Variants in SLC25A51 observed in about 807,000 individuals in gnomAD.
SLC25A51 encodes the protein mitochondrial nicotinamide adenine dinucleotide transporter SLC25A51.
Under a neutral mutation model 19.1 loss-of-function variants are expected in SLC25A51, and 11 were observed. The observed-to-expected ratio is 0.58, with a 90% confidence interval of 0.36 to 0.96. The LOEUF (loss-of-function observed/expected upper bound fraction) is 0.96. SLC25A51 is among the 40% of genes least tolerant of loss of function. The probability of loss-of-function intolerance (pLI) is 0.01; values close to 1 mark genes in which losing one functional copy is unlikely to be tolerated. For missense variants in SLC25A51, 201 were observed against 365.4 expected (o/e 0.55, Z 3.67); for synonymous variants, 105 against 133.6 (o/e 0.79, Z 1.47).
intron 2 of SLC25A51, among the ~76,000 whole-genome samples, chr9:37,894,654 C>T (rs558995190): frequency 6.6e-6 from 1 of 152,056 alleles, no homozygotes; most frequent in African/African-American, 2.4e-5. Context: ...TTCTGAGGTA[C>T]GTGTGCAGGT....
intron 2 of SLC25A51, among the ~76,000 whole-genome samples, chr9:37,890,876 A>G (rs1293448893): frequency 1.3e-5 from 2 of 152,198 alleles, no homozygotes; most frequent in African/African-American, 4.8e-5. Flanking sequence ...AATAAAAACA[A>G]CAAAAAACCG....
downstream of SLC25A51, among the ~76,000 whole-genome samples, chr9:37,886,881 T>C (rs1272732492): frequency 6.6e-6 from 1 of 152,000 alleles, no homozygotes; most frequent in Non-Finnish European, 1.5e-5. Flanking sequence ...AGTATAAGCC[T>C]GGCTGGGCGC....
At chr9:37,893,066 T>C (rs1371002093) in intron 2 of SLC25A51, among the ~76,000 whole-genome samples, 1 of 151,568 alleles carries the variant, frequency 6.6e-6, no homozygotes, top group East Asian at 2.0e-4. Flanking sequence ...TTTGTAGAGA[T>C]GAGGTTTCAC....
chr9:37,885,840 T>C (rs1382679282), downstream of SLC25A51: 1 of 1,604,588 alleles, frequency 6.2e-7, no homozygotes, highest in Non-Finnish European at 8.5e-7. Flanking sequence ...GGGCCTACTT[T>C]ACATCACACT....
downstream of SLC25A51, chr9:37,879,001 G>T: frequency 3.8e-6 from 1 of 265,004 alleles, no homozygotes; most frequent in South Asian, 4.8e-5. Flanking sequence ...GTAGAGAGTA[G>T]AGTTGCTTTT....
At chr9:37,883,946 G>C (rs1358829842), downstream of SLC25A51, among the ~76,000 whole-genome samples, 3 of 152,222 alleles carry the variant, frequency 2.0e-5, no homozygotes, top group Non-Finnish European at 4.4e-5. Flanking sequence ...AAGAAGGATG[G>C]TCACTGTATT....
downstream of SLC25A51, among the ~76,000 whole-genome samples, chr9:37,883,559 C>T (rs1030347654): frequency 6.6e-6 from 1 of 152,184 alleles, no homozygotes; most frequent in African/African-American, 2.4e-5. Context: ...GGAAGCCCAA[C>T]AAAACCAAAG....
chr9:37,885,269 T>C (rs1340242544), downstream of SLC25A51, among the ~76,000 whole-genome samples: 2 of 146,760 alleles, frequency 1.4e-5, no homozygotes, highest in African/African-American at 5.1e-5. Flanking sequence ...TCTTGGGGAT[T>C]AGGTTCCCTG....
chr9:37,888,380 T>A lies in SLC25A51; in HGVS notation c.171A>T (p.Arg57=). The A allele has an allele frequency of 1.2e-6, 2 of 1,614,238 alleles. No individual in the cohort carries two copies. Among genetic ancestry groups the A allele is most frequent in the Non-Finnish European group, 1.7e-6 (2 of 1,180,042 alleles). The part of the protein sequence containing the change: ...ITFPIQKVLF[R]QQLYGIKTRD... ...GGGTTTTGATGCCATACAGCTGTTG[T>A]CGAAAGAGGACCTTCTGAATGGGAA... Residue 57 remains arginine, a synonymous_variant, in exon 3 of 3, where the codon CGA becomes CGT. Coordinates refer to ENST00000242275, the MANE Select transcript of SLC25A51 (RefSeq NM_033412.4).
chr9:37,881,270 G>GCTA (rs377174446), intron 3 of SLC25A51, among the ~76,000 whole-genome samples: 1 of 152,132 alleles, frequency 6.6e-6, no homozygotes, highest in African/African-American at 2.4e-5. Flanking sequence ...ATTGCATGAG[G>GCTA]CTACTCTATT....
intron 1 of SLC25A51, 31 bp from the exon 2 acceptor site, chr9:37,899,981 A>G (rs902308751): frequency 9.1e-6 from 1 of 109,536 alleles, no homozygotes; most frequent in East Asian, 2.8e-4. Flanking sequence ...GGTTTAATTT[A>G]TATAGCCTTT....
At chr9:37,878,541 T>C (rs990733184), downstream of SLC25A51, 11 of 179,574 alleles carry the variant, frequency 6.1e-5, no homozygotes, top group Admixed American at 2.3e-4. Flanking sequence ...CAACAGCTAA[T>C]TGCAGCAAAA....
chr9:37,894,175 T>C (rs183574029), intron 2 of SLC25A51, among the ~76,000 whole-genome samples: 36 of 152,264 alleles, frequency 2.4e-4, no homozygotes, highest in African/African-American at 7.5e-4. Context: ...TATGGTTTTG[T>C]ATTATTAAGG....
At chr9:37,880,346 G>A (rs1831327073) in exon 4 of SLC25A51, 1 of 151,604 alleles carries the variant, frequency 6.6e-6, no homozygotes, top group African/African-American at 2.4e-5. Flanking sequence ...ATGAAGAATA[G>A]ATTGAAGGGA....
At chr9:37,883,061 T>C (rs532442551), downstream of SLC25A51, among the ~76,000 whole-genome samples, 5 of 152,344 alleles carry the variant, frequency 3.3e-5, no homozygotes, top group South Asian at 1.0e-3. Flanking sequence ...GCCAGGCTGG[T>C]CTCAAACTTC....
At chr9:37,892,887 G>C (rs563752653) in intron 2 of SLC25A51, among the ~76,000 whole-genome samples, 2 of 151,848 alleles carry the variant, frequency 1.3e-5, no homozygotes, top group African/African-American at 4.8e-5. Context: ...TTACAAGTGC[G>C]CACCACCATG....
At position 37,887,891 on chromosome 9, in the gene SLC25A51, T is replaced by G. The variant is rs2296205; in HGVS notation, c.660A>C (p.Leu220=). The change falls in exon 3 of 3, where the codon CTA becomes CTC. Residue 220 remains leucine (L), a synonymous_variant. Coordinates refer to ENST00000242275, the MANE Select transcript of SLC25A51 (RefSeq NM_033412.4). ...ACAAGAATCCCAACATGGCACCCAA[T>G]AGACCTCCACAGATAAAATCATTGA... is the stretch of plus-strand genomic sequence containing the variant. ...HLVNDFICGG[L]LGAMLGFLFF... 6.2e-7 allele frequency: 1 copy of G among 1,611,874 alleles called. No homozygotes were observed. The highest frequency in any genetic ancestry group is 8.5e-7 in the Non-Finnish European group (1 of 1,179,872).
downstream of SLC25A51, chr9:37,885,736 G>A (rs1295464984): frequency 1.6e-5 from 24 of 1,459,054 alleles, no homozygotes; most frequent in South Asian, 2.3e-5. Context: ...ATGAAGAACC[G>A]CAGATCCATC....
At position 37,888,528 on chromosome 9, in the gene SLC25A51, T is replaced by C; in HGVS notation, c.23A>G (p.Glu8Gly). 1 of 1,609,222 alleles carries C rather than the reference T, an allele frequency of 6.2e-7. No individual in the cohort carries two copies. The highest frequency in any genetic ancestry group is 8.5e-7 in the Non-Finnish European group (1 of 1,177,632). MMDSEAH[E>G]KRPPILTSSK... ...AGATGTTAGTATTGGTGGCCTCTTT[T>C]CATGAGCTTCTGAATCCATCATGCT... The change falls in exon 3 of 3, where the codon GAA (glutamate) becomes GGA (glycine). Residue 8 changes from glutamate to glycine, a missense_variant. By Grantham distance (98) the Glu-to-Gly change is moderately conservative. Coordinates refer to ENST00000242275, the MANE Select transcript of SLC25A51 (RefSeq NM_033412.4).
Sources: gnomAD v4.1 joint callset for allele counts (sites outside exome capture counted in the v4.1 genomes callset) on GRCh38, gnomAD v4.1.1 for gene constraint, MANE v1.5 for transcripts, NCBI Gene and HGNC (gene_info 2026-07-23, HGNC 2026-07-21) for gene names.